Variants in MAGI1 observed in about 807,000 individuals in gnomAD.
MAGI1 encodes the protein membrane-associated guanylate kinase, WW and PDZ domain-containing protein 1.
MAGI1 carries 58 observed loss-of-function variants against 139.9 expected under a neutral mutation model. The ratio of observed to expected loss-of-function variants is 0.41; its 90% CI spans 0.34 to 0.52. The LOEUF (loss-of-function observed/expected upper bound fraction) is 0.52. Among genes scored for constraint, MAGI1 ranks in the 20% least tolerant of loss-of-function variants. The pLI, the probability that MAGI1 is intolerant of heterozygous loss-of-function variation, is 0.12. For synonymous variants in MAGI1, 812 were observed against 737.9 expected, an observed-to-expected ratio of 1.10 and a Z score of -1.63; for missense variants, 1,874 against 1,901.6, an observed-to-expected ratio of 0.99 and a Z score of 0.27.
chr3:65,715,771 C>T (rs1269831245), intron 1 of MAGI1, among the ~76,000 whole-genome samples: 2 of 152,170 alleles, frequency 1.3e-5, no homozygotes, highest in East Asian at 3.8e-4. Context: ...TTTATGTGCA[C>T]TCATTATAGG....
In MAGI1 at chr3:65,356,708, C is replaced by A; in HGVS notation, c.4059G>T (p.Arg1353=). The part of the protein sequence containing the change: ...HEKRRDVSPE[R]RRERSPTRRR... ...TGCGGGTGGGTGACCGCTCTCGCCT[C>A]CGCTCCGGAGAGACGTCTCGTCTCT... is the stretch of plus-strand genomic sequence containing the variant. The change falls in exon 23 of 23, where the codon CGG becomes CGT. Residue 1353 remains arginine, a synonymous_variant. Coordinates refer to ENST00000402939, the MANE Select transcript of MAGI1 (RefSeq NM_001033057.2). The A allele has an allele frequency of 6.3e-7, 1 of 1,593,180 alleles. No individual in the cohort carries two copies. Among genetic ancestry groups the A allele is most frequent in the Non-Finnish European group, 8.5e-7 (1 of 1,170,438 alleles).
intron 1 of MAGI1, among the ~76,000 whole-genome samples, chr3:65,859,638 T>C (rs1463463743): frequency 6.6e-6 from 1 of 151,010 alleles, no homozygotes; most frequent in East Asian, 2.0e-4. Flanking sequence ...GGAGAATCAC[T>C]CGAACCTGGG....
intron 12 of MAGI1, among the ~76,000 whole-genome samples, chr3:65,420,660 C>T (rs995731190): frequency 1.3e-5 from 2 of 152,088 alleles, no homozygotes; most frequent in African/African-American, 4.8e-5. Context: ...TCAAATTCCA[C>T]ACTTAAATAA....
chr3:65,363,355 AAGCTAT>A, intron 21 of MAGI1, 104 bp downstream of exon 21: 2 of 1,291,380 alleles, frequency 1.5e-6, no homozygotes, highest in Non-Finnish European at 2.1e-6. Flanking sequence ...AGAATCATGA[AAGCTAT>A]AGAAAATGTA....
At chr3:65,726,299 A>C (rs2033601501) in intron 1 of MAGI1, among the ~76,000 whole-genome samples, 1 of 152,198 alleles carries the variant, frequency 6.6e-6, no homozygotes, top group Admixed American at 6.5e-5. Flanking sequence ...TTGATTTTGA[A>C]TTAAATTATG....
chr3:65,728,237 T>A (rs995931604), intron 1 of MAGI1, among the ~76,000 whole-genome samples: 2 of 152,000 alleles, frequency 1.3e-5, no homozygotes, highest in South Asian at 4.1e-4. Context: ...CAGGAGCAAA[T>A]GCTTTGAGAT....
chr3:65,888,074 T>C (rs1267653964), intron 1 of MAGI1, among the ~76,000 whole-genome samples: 1 of 152,192 alleles, frequency 6.6e-6, no homozygotes, highest in Admixed American at 6.5e-5. Flanking sequence ...ACCCAATCTT[T>C]ATAAAAGGTG....
intron 1 of MAGI1, among the ~76,000 whole-genome samples, chr3:65,652,134 C>T (rs949546744): frequency 6.6e-5 from 10 of 152,184 alleles, no homozygotes; most frequent in Admixed American, 2.6e-4. Flanking sequence ...AGACTAGTCA[C>T]GCCTGTGCAG....
At chr3:65,424,454 A>G (rs1946860626) in intron 12 of MAGI1, among the ~76,000 whole-genome samples, 1 of 152,180 alleles carries the variant, frequency 6.6e-6, no homozygotes, top group Non-Finnish European at 1.5e-5. Context: ...TTAACATTTC[A>G]TGAATGTATA....
chr3:65,627,679 TG>T (rs2084057802), intron 1 of MAGI1, among the ~76,000 whole-genome samples: 1 of 151,660 alleles, frequency 6.6e-6, no homozygotes, highest in Non-Finnish European at 1.5e-5. Flanking sequence ...AGCTAATTTT[TG>T]TATTTTTAGT....
At chr3:65,714,891 G>A (rs1224839119) in intron 1 of MAGI1, among the ~76,000 whole-genome samples, 3 of 152,100 alleles carry the variant, frequency 2.0e-5, no homozygotes, top group Non-Finnish European at 4.4e-5. Flanking sequence ...CTCACTACAG[G>A]AAAAATAGTA....
chr3:65,500,391 T>G (rs1343506296), intron 2 of MAGI1, among the ~76,000 whole-genome samples: 1 of 152,168 alleles, frequency 6.6e-6, no homozygotes, highest in African/African-American at 2.4e-5. Flanking sequence ...GCCCCCAAAC[T>G]TCATCCAGTA....
chr3:65,600,161 A>G (rs1008751095), intron 2 of MAGI1, among the ~76,000 whole-genome samples: 2 of 152,216 alleles, frequency 1.3e-5, no homozygotes, highest in African/African-American at 4.8e-5. Flanking sequence ...TTCCACAAGA[A>G]AATGATTGTA....
intron 1 of MAGI1, among the ~76,000 whole-genome samples, chr3:66,030,023 A>C (rs1224488589): frequency 6.6e-6 from 1 of 152,110 alleles, no homozygotes; most frequent in Admixed American, 6.5e-5. Context: ...GGGAAACCTA[A>C]AATTGGAAAT....
chr3:65,754,081 T>C (rs1216701781), intron 1 of MAGI1, among the ~76,000 whole-genome samples: 1 of 152,154 alleles, frequency 6.6e-6, no homozygotes, highest in Non-Finnish European at 1.5e-5. Flanking sequence ...CTTTCTTCAA[T>C]TCCCCATCCT....
intron 1 of MAGI1, among the ~76,000 whole-genome samples, chr3:65,966,607 A>AG (rs2064755134): frequency 7.3e-6 from 1 of 137,454 alleles, no homozygotes; most frequent in Non-Finnish European, 1.6e-5. Context: ...GGGCAGGGGT[A>AG]GGGGGGAGCG....
At chr3:65,493,464 C>T (rs753581321) in intron 3 of MAGI1, 48 bp downstream of exon 3, 1 of 1,612,724 alleles carries the variant, frequency 6.2e-7, no homozygotes, top group East Asian at 2.2e-5. Context: ...TGGCTCCTCT[C>T]AAGTACCCAG....
At chr3:65,656,364 T>C (rs2085874781) in intron 1 of MAGI1, among the ~76,000 whole-genome samples, 1 of 152,144 alleles carries the variant, frequency 6.6e-6, no homozygotes, top group Admixed American at 6.6e-5. Flanking sequence ...GGGCTTAATA[T>C]TGGAAATGAG....
intron 1 of MAGI1, among the ~76,000 whole-genome samples, chr3:65,966,790 C>T (rs887268019): frequency 1.3e-5 from 2 of 152,304 alleles, no homozygotes; most frequent in East Asian, 3.9e-4. Flanking sequence ...CATAAAATGT[C>T]TGGCACAGTA....
Sources: gnomAD v4.1 joint callset for allele counts (sites outside exome capture counted in the v4.1 genomes callset) on GRCh38, gnomAD v4.1.1 for gene constraint, MANE v1.5 for transcripts, NCBI Gene and HGNC (gene_info 2026-07-23, HGNC 2026-07-21) for gene names.